Variants in SASH1 observed in about 807,000 individuals in gnomAD.
SASH1 encodes SAM and SH3 domain containing 1, also known as SAM and SH3 domain-containing protein 1.
SASH1 carries 44 observed loss-of-function variants against 125.2 expected under a neutral mutation model. That is an observed-to-expected ratio of 0.35 (90% CI 0.28 to 0.45). SASH1 has a LOEUF of 0.45. Among genes scored for constraint, SASH1 ranks in the 20% least tolerant of loss-of-function variants. The pLI is 1.00. For synonymous variants in SASH1, 639 were observed against 649.1 expected (o/e 0.98, Z 0.24); for missense variants, 1,426 against 1,614.5 (o/e 0.88, Z 2.00).
At chr6:148,368,770 G>GCGCGCACACA (rs1554245330) in intron 1 of SASH1, among the ~76,000 whole-genome samples, 3 of 135,644 alleles carry the variant, frequency 2.2e-5, no homozygotes, top group African/African-American at 8.0e-5. Context: ...GCACGCGCGC[G>GCGCGCACACA]CACACACACA....
At chr6:148,381,888 T>A (rs9390563) in intron 1 of SASH1, among the ~76,000 whole-genome samples, 64,110 of 151,716 alleles carry the variant, frequency 0.42, 13,899 homozygotes, top group South Asian at 0.6. Flanking sequence ...CACCCACCTC[T>A]GCCTCCCCAA....
At chr6:148,512,981 G>C in intron 8 of SASH1, 1 of 985,368 alleles carries the variant, frequency 1.0e-6, no homozygotes. Flanking sequence ...GACATCAGTT[G>C]TTTATATCCC....
At chr6:148,451,153 T>A (rs994479517) in intron 4 of SASH1, among the ~76,000 whole-genome samples, 1 of 152,188 alleles carries the variant, frequency 6.6e-6, no homozygotes, top group Non-Finnish European at 1.5e-5. Flanking sequence ...GTGTCCAGAA[T>A]AATGGTTTGC....
upstream of SASH1, among the ~76,000 whole-genome samples, chr6:148,270,221 T>C (rs543696326): frequency 3.0e-4 from 45 of 152,294 alleles, no homozygotes; most frequent in Non-Finnish European, 5.6e-4. Flanking sequence ...GTGGCAGCCC[T>C]GGAACTAGAT....
rs11317386 is a variant in SASH1 at position 148,349,252 on chromosome 6, C to CTTTTTTTTTTTT, written c.156+6047_156+6058dup. ...TTATTTCATTCTTTCTTCTTTCTTT[C>CTTTTTTTTTTTT]TTTTTTTTTTTTTTTTTTTTTTTTT... On this transcript the variant is annotated intron_variant, in intron 1 of 19. Transcript: ENST00000367467. 1.1e-3 allele frequency among the ~76,000 whole-genome samples: 54 copies of CTTTTTTTTTTTT among 47,036 alleles called. 2 individuals carry two copies. Among genetic ancestry groups the CTTTTTTTTTTTT allele is most frequent in the African/African-American group, 3.0e-3 (35 of 11,742 alleles). The allele number at this position is 47,036 out of a possible 152,430, so 30.9% of individuals were successfully genotyped here. A position where few individuals can be genotyped will look rare whatever the true frequency, so the allele number is the denominator to read the frequency against.
intron 1 of SASH1, among the ~76,000 whole-genome samples, chr6:148,300,889 T>C (rs1180826001): frequency 6.6e-6 from 1 of 152,198 alleles, no homozygotes; most frequent in Non-Finnish European, 1.5e-5. Flanking sequence ...TTTCTTTTAC[T>C]GTAGAGAAGA....
the SASH1 span, among the ~76,000 whole-genome samples, chr6:148,214,238 T>C: frequency 6.6e-6 from 1 of 152,156 alleles, no homozygotes; most frequent in Non-Finnish European, 1.5e-5. Context: ...AAACTGATGG[T>C]GCGTGCATGT....
chr6:148,471,411 T>TATGTAAA lies in SASH1; in HGVS notation c.428-6_428-5insATGTAAA. On this transcript the variant is annotated splice_region_variant and splice_polypyrimidine_tract_variant and intron_variant, in intron 5 of 19. Coordinates refer to ENST00000367467, the MANE Select transcript of SASH1 (RefSeq NM_015278.5). ...CTTTTTTTTTTTTTTTTTTTTTTTTTTTAAGGAAAAGGAGACTGGAAGAAG... is the reference window on the plus strand; with the variant it reads ...CTTTTTTTTTTTTTTTTTTTTTTTTTATGTAAATTAAGGAAAAGGAGACTGGAAGAAG... 8.2e-7 allele frequency: 1 copy of TATGTAAA among 1,224,412 alleles called. No homozygotes were observed. Among genetic ancestry groups the TATGTAAA allele is most frequent in the Non-Finnish European group, 1.1e-6 (1 of 891,524 alleles). 75.8% of individuals were successfully genotyped at this position (1,224,412 alleles called of 1,614,324 possible). A position where few individuals can be genotyped will look rare whatever the true frequency, so the allele number is the denominator to read the frequency against.
chr6:148,504,923 T>A (rs1211328846), intron 8 of SASH1, among the ~76,000 whole-genome samples: 2 of 152,144 alleles, frequency 1.3e-5, no homozygotes, highest in Non-Finnish European at 2.9e-5. Context: ...CTTAGGACAC[T>A]CTCCAAGTCC....
At chr6:148,292,896 CA>C (rs1779670587) in intron 1 of SASH1, among the ~76,000 whole-genome samples, 1 of 151,886 alleles carries the variant, frequency 6.6e-6, no homozygotes, top group African/African-American at 2.4e-5. Context: ...ACTAAAAATA[CA>C]AAAAATTAGC....
chr6:148,453,389 C>G (rs1777194474), intron 4 of SASH1, among the ~76,000 whole-genome samples: 1 of 152,148 alleles, frequency 6.6e-6, no homozygotes, highest in Non-Finnish European at 1.5e-5. Flanking sequence ...AGACTCAACA[C>G]CTACAGCTTA....
chr6:148,210,773 A>G, the SASH1 span, among the ~76,000 whole-genome samples: 6 of 152,134 alleles, frequency 3.9e-5, no homozygotes, highest in African/African-American at 1.4e-4. Flanking sequence ...AACCCAAGGG[A>G]ATGTTAGGAT....
chr6:148,294,742 G>A (rs776195211), intron 1 of SASH1, among the ~76,000 whole-genome samples: 5 of 152,138 alleles, frequency 3.3e-5, no homozygotes, highest in Non-Finnish European at 5.9e-5. Context: ...AAGGAGGAAC[G>A]AGAGGGGAGC....
intron 1 of SASH1, among the ~76,000 whole-genome samples, chr6:148,310,105 G>A (rs570425833): frequency 6.6e-5 from 10 of 152,196 alleles, no homozygotes; most frequent in South Asian, 6.2e-4. Flanking sequence ...GTGGATCACC[G>A]GAGATCAGGA....
At chr6:148,211,193 C>A in the SASH1 span, among the ~76,000 whole-genome samples, 2 of 152,152 alleles carry the variant, frequency 1.3e-5, no homozygotes, top group African/African-American at 4.8e-5. Flanking sequence ...TGGTCCAGAC[C>A]CTGTGCTAGG....
intron 2 of SASH1, among the ~76,000 whole-genome samples, chr6:148,422,265 G>A (rs1785134684): frequency 6.6e-6 from 1 of 152,254 alleles, no homozygotes; most frequent in Admixed American, 6.5e-5. Context: ...GCAGGCATGT[G>A]AGCATGGAGA....
At chr6:148,321,908 A>G (rs909369415) in intron 1 of SASH1, among the ~76,000 whole-genome samples, 1 of 152,210 alleles carries the variant, frequency 6.6e-6, no homozygotes, top group Non-Finnish European at 1.5e-5. Flanking sequence ...TCCTACAGTG[A>G]TAATTTCTTC....
In SASH1 at chr6:148,544,641, G is replaced by A. The variant is rs983220877; in HGVS notation, c.3171G>A (p.Pro1057=). The A allele has an allele frequency of 9.9e-6, 16 of 1,613,140 alleles. No individual in the cohort carries two copies. The highest frequency in any genetic ancestry group is 5.0e-5 in the Admixed American group (3 of 59,928). Residue 1057 remains proline (P), a synonymous_variant, in exon 18 of 20, where the codon CCG becomes CCA. Transcript: ENST00000367467. The surrounding 1 kb of genome is among the most constrained non-coding windows in gnomAD (Gnocchi z 6.4). ...CTGGCAGCCCACCAAGCACAAGGCC[G>A]CCCCCCTGGCTCTCAGAGCTCCCCG... is the stretch of plus-strand genomic sequence containing the variant. ...QAPGSPPSTR[P]PPWLSELPEN...
chr6:148,301,726 A>T, intron 1 of SASH1, among the ~76,000 whole-genome samples: 1 of 145,682 alleles, frequency 6.9e-6, no homozygotes, highest in Middle Eastern at 3.6e-3. Context: ...CTACAGAAAC[A>T]CACCACCCCA....
Sources: gnomAD v4.1 joint callset for allele counts (sites outside exome capture counted in the v4.1 genomes callset) on GRCh38, gnomAD v4.1.1 for gene constraint, Gnocchi (gnomAD v3.1) non-coding constraint, MANE v1.5 for transcripts, NCBI Gene and HGNC (gene_info 2026-07-23, HGNC 2026-07-21) for gene names.